TAFA1: variants seen among roughly 807,000 people sequenced by gnomAD.
TAFA1 encodes the protein chemokine-like protein TAFA-1.
Under a neutral mutation model 18.5 loss-of-function variants are expected in TAFA1, and 4 were observed. The ratio of observed to expected loss-of-function variants is 0.22; its 90% CI spans 0.11 to 0.49. The LOEUF (loss-of-function observed/expected upper bound fraction) is 0.49, where lower values mean the gene tolerates loss of function less well. Among genes scored for constraint, TAFA1 ranks in the 20% least tolerant of loss-of-function variants. TAFA1 has a pLI of 0.98. For missense variants in TAFA1, 147 were observed against 169.0 expected, an observed-to-expected ratio of 0.87 and a Z score of 0.72; for synonymous variants, 56 against 55.2, an observed-to-expected ratio of 1.01 and a Z score of -0.06.
At chr3:68,241,989 A>G (rs1014459104) in intron 2 of TAFA1, among the ~76,000 whole-genome samples, 2 of 152,156 alleles carry the variant, frequency 1.3e-5, no homozygotes, top group Non-Finnish European at 2.9e-5. Flanking sequence ...CCCTTCTGTC[A>G]TGTTAATTTT....
chr3:68,164,152 G>A lies in TAFA1; in HGVS notation c.118+157408G>A, dbSNP rs148416111. Among the ~76,000 whole-genome samples the A allele has an allele frequency of 1.7e-3, 265 of 152,294 alleles. 1 individual carries two copies. Among genetic ancestry groups the A allele is most frequent in the Middle Eastern group, 6.8e-3 (2 of 294 alleles). On this transcript the variant is annotated intron_variant, in intron 2 of 4. Transcript: ENST00000478136. ...AATAATATCCCATTGCCATTCTGCA[G>A]TTCACTGCTGAGTCAGCACGTTTAT... is the stretch of plus-strand genomic sequence containing the variant.
At chr3:68,028,459 A>T (rs1312774891) in intron 2 of TAFA1, among the ~76,000 whole-genome samples, 2 of 152,178 alleles carry the variant, frequency 1.3e-5, no homozygotes, top group Non-Finnish European at 2.9e-5. Flanking sequence ...GTCTTCTATG[A>T]CTGCTGTAAC....
intron 3 of TAFA1, among the ~76,000 whole-genome samples, chr3:68,478,968 CTCATGCCTGTAA>C (rs1575905848): frequency 6.7e-6 from 1 of 150,194 alleles, no homozygotes; most frequent in East Asian, 1.9e-4. Context: ...GGCGCAGTGG[CTCATGCCTGTAA>C]TCAGCACTTT....
At chr3:68,366,008 C>T (rs758606099) in intron 2 of TAFA1, among the ~76,000 whole-genome samples, 2 of 151,112 alleles carry the variant, frequency 1.3e-5, no homozygotes, top group Non-Finnish European at 2.9e-5. Context: ...TCACTTGAAC[C>T]CCAGGAGGCA....
At chr3:68,194,015 C>T (rs1212854591) in intron 2 of TAFA1, among the ~76,000 whole-genome samples, 1 of 151,756 alleles carries the variant, frequency 6.6e-6, no homozygotes, top group East Asian at 1.9e-4. Context: ...TGTCTTTGTT[C>T]TGAGACTTGG....
chr3:68,454,214 A>G (rs1277133662), intron 3 of TAFA1, among the ~76,000 whole-genome samples: 1 of 152,228 alleles, frequency 6.6e-6, no homozygotes, highest in Non-Finnish European at 1.5e-5. Flanking sequence ...ATACAGGATC[A>G]TCATATGTAC....
chr3:68,113,314 A>G (rs2065282223), intron 2 of TAFA1, among the ~76,000 whole-genome samples: 1 of 152,234 alleles, frequency 6.6e-6, no homozygotes, highest in Admixed American at 6.5e-5. Flanking sequence ...GAGAAGTAGG[A>G]AAGTGATGAT....
intron 2 of TAFA1, among the ~76,000 whole-genome samples, chr3:68,367,092 G>A (rs2069589468): frequency 6.6e-6 from 1 of 152,196 alleles, no homozygotes; most frequent in African/African-American, 2.4e-5. Context: ...TTATGGGGTG[G>A]TTGTGAGAAT....
chr3:68,141,942 T>A (rs2065671754), intron 2 of TAFA1, among the ~76,000 whole-genome samples: 1 of 152,230 alleles, frequency 6.6e-6, no homozygotes, highest in East Asian at 1.9e-4. Flanking sequence ...CATTCTAAGA[T>A]GTTCTCCCTC....
chr3:68,200,549 G>C (rs2066458722), intron 2 of TAFA1, among the ~76,000 whole-genome samples: 1 of 151,550 alleles, frequency 6.6e-6, no homozygotes, highest in African/African-American at 2.4e-5. Context: ...GTCTTCATAT[G>C]CAAGTTTTGG....
chr3:68,433,566 T>C (rs1448429943), intron 3 of TAFA1, among the ~76,000 whole-genome samples: 1 of 152,148 alleles, frequency 6.6e-6, no homozygotes, highest in African/African-American at 2.4e-5. Flanking sequence ...ATGAAGGTCT[T>C]GTTCACAGCT....
chr3:68,204,710 C>G lies in TAFA1; in HGVS notation c.118+197966C>G, dbSNP rs570311615. Among the ~76,000 whole-genome samples, 3 of 151,832 alleles carry G rather than the reference C, an allele frequency of 2.0e-5. No individual in the cohort carries two copies. In the South Asian group the frequency reaches 6.2e-4, roughly 31 times the overall value. On this transcript the variant is annotated intron_variant, in intron 2 of 4. Coordinates refer to ENST00000478136, the MANE Select transcript of TAFA1 (RefSeq NM_213609.4). ...TCACTATATTGTATCTAACAGGCTTCCCATATAGAGCTCTAACTTATTTTA... is the reference window on the plus strand; with the variant it reads ...TCACTATATTGTATCTAACAGGCTTGCCATATAGAGCTCTAACTTATTTTA...
chr3:68,044,270 T>C (rs1014283111), intron 2 of TAFA1, among the ~76,000 whole-genome samples: 2 of 152,260 alleles, frequency 1.3e-5, no homozygotes, highest in African/African-American at 4.8e-5. Flanking sequence ...TCTGCTTTTA[T>C]CTCTGGCATT....
intron 2 of TAFA1, among the ~76,000 whole-genome samples, chr3:68,030,052 A>T (rs1305604299): frequency 6.6e-6 from 1 of 152,198 alleles, no homozygotes; most frequent in East Asian, 1.9e-4. Context: ...TCCCATCTAA[A>T]TAACTTTTCT....
At chr3:68,198,749 T>C (rs1234042141) in intron 2 of TAFA1, among the ~76,000 whole-genome samples, 1 of 151,582 alleles carries the variant, frequency 6.6e-6, no homozygotes, top group Non-Finnish European at 1.5e-5. Context: ...AAAGAGTTTG[T>C]TTTACATTTT....
At chr3:68,028,556 G>C (rs901539015) in intron 2 of TAFA1, among the ~76,000 whole-genome samples, 2 of 152,000 alleles carry the variant, frequency 1.3e-5, no homozygotes, top group Non-Finnish European at 2.9e-5. Flanking sequence ...ATGAAATCAA[G>C]GTGTCAGCAG....
At chr3:68,309,237 G>A (rs2068474851) in intron 2 of TAFA1, among the ~76,000 whole-genome samples, 1 of 152,094 alleles carries the variant, frequency 6.6e-6, no homozygotes, top group Non-Finnish European at 1.5e-5. Context: ...TACGATAGGT[G>A]TCCAAGACAT....
chr3:68,250,976 T>G (rs2067184870), intron 2 of TAFA1: 1 of 152,134 alleles, frequency 6.6e-6, no homozygotes, highest in African/African-American at 2.4e-5. Flanking sequence ...TTGCTTTCTT[T>G]CAACTTTTCA....
At chr3:68,497,326 A>G (rs1215673827) in intron 3 of TAFA1, among the ~76,000 whole-genome samples, 1 of 152,180 alleles carries the variant, frequency 6.6e-6, no homozygotes, top group African/African-American at 2.4e-5. Flanking sequence ...GGCAGACATT[A>G]TGATAGATAA....
Sources: gnomAD v4.1 joint callset for allele counts (sites outside exome capture counted in the v4.1 genomes callset) on GRCh38, gnomAD v4.1.1 for gene constraint, MANE v1.5 for transcripts, NCBI Gene and HGNC (gene_info 2026-07-23, HGNC 2026-07-21) for gene names.